KCNIP4: variants seen among roughly 807,000 people sequenced by gnomAD.
The protein encoded by KCNIP4 is Kv channel-interacting protein 4.
KCNIP4 carries 12 observed loss-of-function variants against 34.0 expected under a neutral mutation model. The observed-to-expected ratio is 0.35, with a 90% confidence interval of 0.23 to 0.57. The LOEUF (loss-of-function observed/expected upper bound fraction) is 0.57. Ranked by LOEUF, KCNIP4 falls within the 20% of genes least tolerant of loss-of-function variation. The probability of loss-of-function intolerance (pLI) is 0.83; values close to 1 mark genes in which losing one functional copy is unlikely to be tolerated. For missense variants in KCNIP4, 238 were observed against 311.7 expected (o/e 0.76, Z 1.78); for synonymous variants, 124 against 102.2 (o/e 1.21, Z -1.29).
intron 3 of KCNIP4, among the ~76,000 whole-genome samples, chr4:20,822,670 A>G (rs1189309007): frequency 6.6e-6 from 1 of 152,234 alleles, no homozygotes. Context: ...CTTTGAGGCT[A>G]CTGGGATACA....
chr4:21,412,178 A>G (rs1388902068), intron 1 of KCNIP4, among the ~76,000 whole-genome samples: 1 of 152,154 alleles, frequency 6.6e-6, no homozygotes, highest in Non-Finnish European at 1.5e-5. Context: ...ACCATTTTGT[A>G]GCTCTTTGAC....
intron 1 of KCNIP4, among the ~76,000 whole-genome samples, chr4:21,714,787 T>TGTA (rs147076758): frequency 1.7e-4 from 2 of 12,022 alleles, no homozygotes; most frequent in Non-Finnish European, 3.6e-4. Flanking sequence ...TTCCCTTTGA[T>TGTA]TATTTTATTT....
chr4:20,861,748 A>G (rs936981781), intron 2 of KCNIP4, among the ~76,000 whole-genome samples: 1 of 152,118 alleles, frequency 6.6e-6, no homozygotes, highest in African/African-American at 2.4e-5. Flanking sequence ...TTGCAATTTC[A>G]TAATTGAATT....
rs1577955013 is a variant in KCNIP4, at chr4:21,761,931, A to G, written c.61+186640T>C. On this transcript the variant is annotated intron_variant, in intron 1 of 8. Coordinates refer to ENST00000382152, the MANE Select transcript of KCNIP4 (RefSeq NM_025221.6). The stretch of plus-strand genomic sequence containing the variant: ...GATAACATCCAAGGTGGCTATACAA[A>G]TATCATGATTTGAGAAAAATATTTA... Among the ~76,000 whole-genome samples, 3 of 152,260 alleles carry G rather than the reference A, an allele frequency of 2.0e-5. No individual in the cohort carries two copies. The South Asian group carries it at 6.2e-4, about 32-fold the overall frequency.
At chr4:21,852,527 T>C (rs1423847009) in intron 1 of KCNIP4, 1 of 152,140 alleles carries the variant, frequency 6.6e-6, no homozygotes, top group East Asian at 1.9e-4. Flanking sequence ...GAAACTCTAT[T>C]TGTTAATAGG....
At chr4:21,804,301 T>C (rs1721172214) in intron 1 of KCNIP4, among the ~76,000 whole-genome samples, 1 of 152,216 alleles carries the variant, frequency 6.6e-6, no homozygotes, top group African/African-American at 2.4e-5. Flanking sequence ...CTTGTTTTGT[T>C]TGTGATCAGA....
chr4:21,365,478 A>AAAAAAAAT, intron 1 of KCNIP4, among the ~76,000 whole-genome samples: 1 of 132,108 alleles, frequency 7.6e-6, no homozygotes. Context: ...ACTGTCTCAA[A>AAAAAAAAT]AAATAAATAA....
intron 1 of KCNIP4, among the ~76,000 whole-genome samples, chr4:21,046,110 G>T (rs1577591596): frequency 6.6e-6 from 1 of 152,294 alleles, no homozygotes; most frequent in Admixed American, 6.5e-5. Flanking sequence ...AGACAGAAAA[G>T]GATTCATTCA....
At chr4:21,274,377 C>T (rs1762319072) in intron 1 of KCNIP4, among the ~76,000 whole-genome samples, 1 of 152,132 alleles carries the variant, frequency 6.6e-6, no homozygotes. Flanking sequence ...TTTAGAAATC[C>T]AATCACAAAG....
intron 1 of KCNIP4, among the ~76,000 whole-genome samples, chr4:20,966,904 T>C (rs1734399931): frequency 6.6e-6 from 1 of 152,148 alleles, no homozygotes; most frequent in African/African-American, 2.4e-5. Context: ...AAGCACTCTG[T>C]GAAGTTGGTA....
At chr4:21,884,951 TC>T (rs77800244) in intron 1 of KCNIP4, among the ~76,000 whole-genome samples, 2 of 151,580 alleles carry the variant, frequency 1.3e-5, no homozygotes, top group African/African-American at 4.9e-5. Context: ...TACAGTAGCC[TC>T]CCCCCCACTA....
At chr4:21,139,479 C>T (rs1751766653) in intron 1 of KCNIP4, among the ~76,000 whole-genome samples, 1 of 152,156 alleles carries the variant, frequency 6.6e-6, no homozygotes, top group Admixed American at 6.5e-5. Context: ...ATGGACTTTG[C>T]CCAGTTTGCT....
chr4:21,854,927 T>C (rs1197609606), intron 1 of KCNIP4, among the ~76,000 whole-genome samples: 1 of 152,212 alleles, frequency 6.6e-6, no homozygotes, highest in Non-Finnish European at 1.5e-5. Flanking sequence ...CAATATTGGA[T>C]CATTAGGGCC....
At chr4:21,670,109 G>A (rs1301782805) in intron 1 of KCNIP4, among the ~76,000 whole-genome samples, 3 of 151,540 alleles carry the variant, frequency 2.0e-5, no homozygotes, top group East Asian at 1.9e-4. Context: ...AATTATCTTC[G>A]CTTAAGATTT....
intron 1 of KCNIP4, among the ~76,000 whole-genome samples, chr4:21,837,574 A>G (rs1481461875): frequency 1.3e-5 from 2 of 151,062 alleles, no homozygotes; most frequent in East Asian, 3.9e-4. Context: ...GAAAGAAAAG[A>G]AAAGAAAGAG....
At chr4:21,841,039 A>G (rs1723646425) in intron 1 of KCNIP4, among the ~76,000 whole-genome samples, 1 of 152,212 alleles carries the variant, frequency 6.6e-6, no homozygotes. Context: ...AAACCATTAT[A>G]AATTGCTTTT....
chr4:21,572,873 G>A (rs1407315600), intron 1 of KCNIP4, among the ~76,000 whole-genome samples: 2 of 151,964 alleles, frequency 1.3e-5, no homozygotes, highest in African/African-American at 2.4e-5. Flanking sequence ...GTGATCCACT[G>A]GCCTCTGGCT....
intron 3 of KCNIP4, among the ~76,000 whole-genome samples, chr4:20,779,811 G>A (rs1365883125): frequency 2.0e-5 from 3 of 152,036 alleles, no homozygotes; most frequent in South Asian, 2.1e-4. Flanking sequence ...TTACAGTGGT[G>A]CAGCCACAAG....
chr4:20,741,739 C>T (rs1248173275), intron 5 of KCNIP4, among the ~76,000 whole-genome samples: 2 of 151,936 alleles, frequency 1.3e-5, no homozygotes, highest in African/African-American at 4.8e-5. Flanking sequence ...CTGAAGGAGA[C>T]AGAGACACAA....
Sources: allele counts gnomAD v4.1 joint callset (sites outside exome capture counted in the v4.1 genomes callset), GRCh38; gene constraint gnomAD v4.1.1; transcripts MANE v1.5; gene names NCBI Gene and HGNC (gene_info 2026-07-23, HGNC 2026-07-21).